Variants in EXOC4 observed in about 807,000 individuals in gnomAD.
The protein encoded by EXOC4 is exocyst complex component 4.
A neutral mutation model predicts 107.2 loss-of-function variants in EXOC4; 71 were observed. That is an observed-to-expected ratio of 0.66 (90% CI 0.55 to 0.81). The LOEUF is 0.81. Among genes scored for constraint, EXOC4 ranks in the 30% least tolerant of loss-of-function variants. The probability of loss-of-function intolerance (pLI) is 0.00; values close to 1 mark genes in which losing one functional copy is unlikely to be tolerated. For synonymous variants in EXOC4, 456 were observed against 441.2 expected (o/e 1.03, Z -0.42); for missense variants, 1,108 against 1,189.6 (o/e 0.93, Z 1.01).
chr7:133,897,552 A>G (rs1013649053), intron 12 of EXOC4, among the ~76,000 whole-genome samples: 3 of 152,166 alleles, frequency 2.0e-5, no homozygotes, highest in Admixed American at 2.0e-4. Context: ...CATTAGGATA[A>G]ATTCCAGTGA....
intron 9 of EXOC4, among the ~76,000 whole-genome samples, chr7:133,526,279 T>C (rs1454211550): frequency 6.6e-6 from 1 of 152,204 alleles, no homozygotes; most frequent in Non-Finnish European, 1.5e-5. Context: ...TCTTTTTCTT[T>C]CTAATATGCT....
At chr7:133,602,832 G>A (rs1801839875) in intron 9 of EXOC4, among the ~76,000 whole-genome samples, 1 of 152,150 alleles carries the variant, frequency 6.6e-6, no homozygotes, top group African/African-American at 2.4e-5. Flanking sequence ...CGTGCTGTTA[G>A]GAATGATCTC....
At chr7:133,965,241 A>T (rs1350108146) in intron 14 of EXOC4, among the ~76,000 whole-genome samples, 1 of 152,166 alleles carries the variant, frequency 6.6e-6, no homozygotes, top group Non-Finnish European at 1.5e-5. Flanking sequence ...CCATTGTCAG[A>T]TGGATAGATT....
intron 11 of EXOC4, among the ~76,000 whole-genome samples, chr7:133,849,577 C>T (rs1464599165): frequency 1.3e-5 from 2 of 152,088 alleles, no homozygotes; most frequent in East Asian, 1.9e-4. Flanking sequence ...ATAACTGACT[C>T]GTGAAAGTCC....
intron 17 of EXOC4, among the ~76,000 whole-genome samples, chr7:134,035,029 CT>C (rs1563099466): frequency 6.9e-6 from 1 of 145,134 alleles, no homozygotes; most frequent in East Asian, 2.1e-4. Flanking sequence ...GGTTTTTTTT[CT>C]TTTTTCTTTT....
intron 17 of EXOC4, among the ~76,000 whole-genome samples, chr7:134,039,996 A>G (rs1342957029): frequency 6.6e-6 from 1 of 152,210 alleles, no homozygotes; most frequent in South Asian, 2.1e-4. Context: ...TAGATTTCAC[A>G]TTACACAAAT....
At chr7:133,430,274 C>T (rs973131476) in intron 7 of EXOC4, among the ~76,000 whole-genome samples, 4 of 152,184 alleles carry the variant, frequency 2.6e-5, no homozygotes, top group African/African-American at 9.7e-5. Context: ...CTCTGTTCCT[C>T]TGCCAATGGA....
At chr7:133,805,141 A>G (rs1797044279) in intron 10 of EXOC4, among the ~76,000 whole-genome samples, 1 of 152,230 alleles carries the variant, frequency 6.6e-6, no homozygotes, top group African/African-American at 2.4e-5. Context: ...AGAAAAAAAG[A>G]CTAATGCTAT....
At chr7:133,650,075 C>T (rs1737567693) in intron 10 of EXOC4, among the ~76,000 whole-genome samples, 1 of 151,978 alleles carries the variant, frequency 6.6e-6, no homozygotes, top group Admixed American at 6.5e-5. Context: ...ATACTCTGAA[C>T]CAGCTTGGAA....
chr7:133,326,657 G>C (rs773718122), intron 5 of EXOC4, among the ~76,000 whole-genome samples: 1 of 152,190 alleles, frequency 6.6e-6, no homozygotes, highest in Non-Finnish European at 1.5e-5. Flanking sequence ...CGGGGGTCAG[G>C]GACCCACTTG....
At chr7:133,981,031 G>A (rs1793966513) in intron 14 of EXOC4, among the ~76,000 whole-genome samples, 1 of 152,196 alleles carries the variant, frequency 6.6e-6, no homozygotes, top group Non-Finnish European at 1.5e-5. Context: ...GCTGAGAGGT[G>A]GCCACACTTG....
intron 7 of EXOC4, among the ~76,000 whole-genome samples, chr7:133,379,136 A>G (rs908175074): frequency 6.6e-6 from 1 of 152,034 alleles, no homozygotes; most frequent in Non-Finnish European, 1.5e-5. Flanking sequence ...TTCTCTCTGT[A>G]TATATGGACA....
intron 5 of EXOC4, among the ~76,000 whole-genome samples, chr7:133,340,351 C>T (rs1795630077): frequency 6.7e-6 from 1 of 149,496 alleles, no homozygotes; most frequent in Non-Finnish European, 1.5e-5. Context: ...AGCATCCCTT[C>T]TGTGAAGCCC....
intron 10 of EXOC4, among the ~76,000 whole-genome samples, chr7:133,796,850 TG>T (rs1796827541): frequency 6.6e-6 from 1 of 152,190 alleles, no homozygotes; most frequent in South Asian, 2.1e-4. Flanking sequence ...GTTACGTGCC[TG>T]GGAAGCTAAT....
At chr7:133,465,676 A>G (rs563812559) in intron 7 of EXOC4, among the ~76,000 whole-genome samples, 43 of 152,346 alleles carry the variant, frequency 2.8e-4, no homozygotes, top group African/African-American at 1.0e-3. Flanking sequence ...AAGAATTGAA[A>G]TCACATAAAG....
chr7:133,436,381 T>A (rs1797974741), intron 7 of EXOC4, among the ~76,000 whole-genome samples: 2 of 152,126 alleles, frequency 1.3e-5, no homozygotes. Context: ...CTTTCTCCTT[T>A]CCTCTTCATT....
At chr7:134,084,606 C>G in the EXOC4 span, among the ~76,000 whole-genome samples, 1 of 35,616 alleles carries the variant, frequency 2.8e-5, no homozygotes, top group East Asian at 8.3e-4. Flanking sequence ...AATGTAGATG[C>G]CTTTCTACCT....
chr7:133,488,937 A>T (rs1799319916), intron 9 of EXOC4, among the ~76,000 whole-genome samples: 1 of 149,424 alleles, frequency 6.7e-6, no homozygotes, highest in South Asian at 2.1e-4. Context: ...AATATATATA[A>T]AATCTCTATA....
intron 7 of EXOC4, among the ~76,000 whole-genome samples, chr7:133,400,120 A>C (rs1051492887): frequency 6.6e-6 from 1 of 152,248 alleles, no homozygotes; most frequent in Non-Finnish European, 1.5e-5. Context: ...ATATATGAGC[A>C]GCCTGGGTAG....
Sources: allele counts gnomAD v4.1 joint callset (sites outside exome capture counted in the v4.1 genomes callset), GRCh38; gene constraint gnomAD v4.1.1; transcripts MANE v1.5; gene names NCBI Gene and HGNC (gene_info 2026-07-23, HGNC 2026-07-21).